The following NRF1 variants were observed in gnomAD, a reference collection of about 807,000 sequenced individuals.
NRF1 encodes alpha palindromic-binding protein.
A neutral mutation model predicts 58.5 loss-of-function variants in NRF1; 5 were observed. The ratio of observed to expected loss-of-function variants is 0.09; its 90% confidence interval spans 0.04 to 0.18. The LOEUF (loss-of-function observed/expected upper bound fraction) is 0.18, where lower values mean the gene tolerates loss of function less well. Among genes scored for constraint, NRF1 ranks in the 10% least tolerant of loss-of-function variants. NRF1 has a pLI of 1.00. For missense variants in NRF1, 288 were observed against 657.7 expected (o/e 0.44, Z 6.15); for synonymous variants, 224 against 246.7 (o/e 0.91, Z 0.86).
rs751685047 is a variant in NRF1, at chr7:129,638,732, G to A, written c.-6-18614G>A. On this transcript the variant is annotated intron_variant, in intron 1 of 10. Coordinates refer to ENST00000393232, the MANE Select transcript of NRF1 (RefSeq NM_005011.5). ...GGAAATATAGTGTAAATGTTATTTA[G>A]GTAGTTTTGATTTCTTTAGGAACTT... 3.9e-5 allele frequency among the ~76,000 whole-genome samples: 6 copies of A among 152,182 alleles called. No homozygotes were observed. The South Asian group carries it at 1.2e-3, about 32-fold the overall frequency.
At chr7:129,710,843 T>C (rs759356631) in intron 7 of NRF1, among the ~76,000 whole-genome samples, 57 of 152,014 alleles carry the variant, frequency 3.7e-4, no homozygotes, top group Non-Finnish European at 1.3e-4. Context: ...CTCTCTGTCA[T>C]CACAGCTCAC....
intron 2 of NRF1, among the ~76,000 whole-genome samples, chr7:129,660,788 TCTA>T (rs1801762797): frequency 1.3e-5 from 2 of 150,648 alleles, no homozygotes; most frequent in Admixed American, 1.3e-4. Flanking sequence ...TGTCGGTGGA[TCTA>T]CTATTCTGGG....
intron 2 of NRF1, among the ~76,000 whole-genome samples, chr7:129,666,657 G>C (rs201975467): frequency 2.6e-5 from 4 of 152,076 alleles, no homozygotes; most frequent in Non-Finnish European, 5.9e-5. Flanking sequence ...TCAGCCTCCT[G>C]AGTAGCTGGG....
At chr7:129,633,748 G>A (rs1248516480) in intron 1 of NRF1, 2 of 151,814 alleles carry the variant, frequency 1.3e-5, no homozygotes, top group Non-Finnish European at 2.9e-5. Context: ...ATGTTCAGAT[G>A]TATTCAGCAC....
chr7:129,677,839 A>G (rs1397960944), intron 4 of NRF1, 81 bp downstream of exon 4: 5 of 1,544,172 alleles, frequency 3.2e-6, no homozygotes, highest in Non-Finnish European at 4.4e-6. Context: ...TGTCAAGTAT[A>G]ACAGTTGGCA....
intron 8 of NRF1, among the ~76,000 whole-genome samples, chr7:129,715,597 A>G (rs905985511): frequency 2.0e-5 from 3 of 152,234 alleles, no homozygotes; most frequent in Non-Finnish European, 4.4e-5. Flanking sequence ...TTTACCCTAT[A>G]AATAGACTCA....
chr7:129,644,562 A>G (rs901374170), intron 1 of NRF1, among the ~76,000 whole-genome samples: 2 of 152,260 alleles, frequency 1.3e-5, no homozygotes, highest in African/African-American at 4.8e-5. Context: ...ATTAATTAAA[A>G]TTAAACATTT....
chr7:129,733,238 C>T (rs577904597), intron 10 of NRF1, among the ~76,000 whole-genome samples: 10 of 152,146 alleles, frequency 6.6e-5, no homozygotes, highest in African/African-American at 9.6e-5. Context: ...GAGGCCGAGG[C>T]GGGTGGATCA....
At chr7:129,626,716 A>G (rs961720125) in intron 1 of NRF1, among the ~76,000 whole-genome samples, 2 of 152,246 alleles carry the variant, frequency 1.3e-5, no homozygotes, top group Non-Finnish European at 2.9e-5. Flanking sequence ...AGAAGTAGCA[A>G]CTACACCAAT....
At chr7:129,650,394 G>A (rs1801508751) in intron 1 of NRF1, among the ~76,000 whole-genome samples, 1 of 151,966 alleles carries the variant, frequency 6.6e-6, no homozygotes, top group African/African-American at 2.4e-5. Context: ...AGGGGCCTTG[G>A]TTTCCTATAG....
At chr7:129,623,414 A>T (rs1800847924) in intron 1 of NRF1, among the ~76,000 whole-genome samples, 2 of 152,170 alleles carry the variant, frequency 1.3e-5, no homozygotes, top group African/African-American at 4.8e-5. Flanking sequence ...TAGGGAATTC[A>T]AAAGATTTTG....
At chr7:129,668,943 C>G (rs920532647) in intron 2 of NRF1, among the ~76,000 whole-genome samples, 3 of 152,062 alleles carry the variant, frequency 2.0e-5, no homozygotes, top group Non-Finnish European at 4.4e-5. Context: ...CCTCCCCTCC[C>G]CTCCTGTCTC....
At chr7:129,723,385 G>A in intron 9 of NRF1, among the ~76,000 whole-genome samples, 1 of 151,766 alleles carries the variant, frequency 6.6e-6, no homozygotes. Context: ...AGAGGTTGCG[G>A]TGAGCCAAGA....
chr7:129,645,014 A>C (rs1257366679), intron 1 of NRF1, among the ~76,000 whole-genome samples: 1 of 151,960 alleles, frequency 6.6e-6, no homozygotes, highest in South Asian at 2.1e-4. Context: ...CAAAATTCCT[A>C]ATGTGATCTG....
intron 5 of NRF1, among the ~76,000 whole-genome samples, chr7:129,705,133 G>A (rs1207713112): frequency 2.6e-5 from 4 of 152,132 alleles, no homozygotes; most frequent in Non-Finnish European, 5.9e-5. Flanking sequence ...AAGATGGCTT[G>A]ATGACTGAGG....
chr7:129,666,890 T>C (rs1801935941), intron 2 of NRF1, among the ~76,000 whole-genome samples: 1 of 152,216 alleles, frequency 6.6e-6, no homozygotes, highest in Non-Finnish European at 1.5e-5. Context: ...GTTTTGACAA[T>C]GTAGCACAGT....
At chr7:129,631,509 C>A (rs575518096) in intron 1 of NRF1, among the ~76,000 whole-genome samples, 1 of 152,152 alleles carries the variant, frequency 6.6e-6, no homozygotes, top group Non-Finnish European at 1.5e-5. Context: ...TCAATCAGTT[C>A]TCCCACCTTG....
chr7:129,652,618 A>G (rs1228555934), intron 1 of NRF1, among the ~76,000 whole-genome samples: 1 of 152,046 alleles, frequency 6.6e-6, no homozygotes, highest in African/African-American at 2.4e-5. Context: ...TTTATTTGAG[A>G]CGGAGTCTCG....
intron 10 of NRF1, 99 bp downstream of exon 10, chr7:129,727,464 C>T (rs527481948): frequency 1.6e-5 from 21 of 1,298,166 alleles, no homozygotes; most frequent in East Asian, 5.9e-5. Context: ...GTTTGAGCTT[C>T]GATTTTTTTT....
Sources: gnomAD v4.1 joint callset for allele counts (sites outside exome capture counted in the v4.1 genomes callset) on GRCh38, gnomAD v4.1.1 for gene constraint, MANE v1.5 for transcripts, NCBI Gene and HGNC (gene_info 2026-07-23, HGNC 2026-07-21) for gene names.